Variants in ATP13A4 observed in about 807,000 individuals in gnomAD.
ATP13A4 encodes ATPase 13A4, also known as probable cation-transporting ATPase 13A4.
In ATP13A4, 114 loss-of-function variants were observed where a neutral mutation model predicts 142.5. The ratio of observed to expected loss-of-function variants is 0.80; its 90% CI spans 0.69 to 0.93. ATP13A4 has a LOEUF of 0.93. Among genes scored for constraint, ATP13A4 ranks in the 40% least tolerant of loss-of-function variants. The pLI, the probability that ATP13A4 is intolerant of heterozygous loss-of-function variation, is 0.00. For synonymous variants in ATP13A4, 488 were observed against 514.8 expected (o/e 0.95, Z 0.70); for missense variants, 1,392 against 1,454.0 (o/e 0.96, Z 0.69).
intron 17 of ATP13A4, among the ~76,000 whole-genome samples, chr3:193,448,671 GA>G (rs1717098428): frequency 6.6e-6 from 1 of 152,146 alleles, no homozygotes; most frequent in Admixed American, 6.6e-5. Context: ...AAAACAAAAA[GA>G]AAAAGACCCC....
chr3:193,576,910 G>T (rs13085347), intron 2 of ATP13A4, among the ~76,000 whole-genome samples: 17,810 of 152,212 alleles, frequency 0.12, 1,343 homozygotes, highest in Non-Finnish European at 0.17. Context: ...AAGATAGAAT[G>T]GATGCTTCCA....
intron 2 of ATP13A4, among the ~76,000 whole-genome samples, chr3:193,573,179 A>G (rs1213294400): frequency 6.7e-6 from 1 of 149,714 alleles, no homozygotes; most frequent in Non-Finnish European, 1.5e-5. Flanking sequence ...AAACAGTGTG[A>G]CCAAAACTTT....
chr3:193,576,249 CTTTTTTTTTTTTTTTTTT>C (rs59910562), intron 2 of ATP13A4, among the ~76,000 whole-genome samples: 41 of 54,400 alleles, frequency 7.5e-4, no homozygotes, highest in African/African-American at 2.7e-3. Flanking sequence ...TTGAATCAAT[CTTTTTTTTTTTTTTTTTT>C]TTTTTTTTTT....
At chr3:193,483,794 T>G in intron 8 of ATP13A4, 142 bp downstream of exon 8, 1 of 757,242 alleles carries the variant, frequency 1.3e-6, no homozygotes. Flanking sequence ...AAAAAAAAAC[T>G]TAAGTTCCTC....
intron 22 of ATP13A4, among the ~76,000 whole-genome samples, 191 bp downstream of exon 22, chr3:193,438,832 T>C (rs1169183387): frequency 6.6e-6 from 1 of 152,144 alleles, no homozygotes; most frequent in Admixed American, 6.5e-5. Context: ...GTGACTTTGG[T>C]CAAAAGCCTC....
intron 21 of ATP13A4, among the ~76,000 whole-genome samples, chr3:193,439,935 C>T (rs573165939): frequency 4.7e-4 from 72 of 152,026 alleles, no homozygotes; most frequent in Non-Finnish European, 8.7e-4. Context: ...TGTTGTGACA[C>T]GATGACCAAG....
chr3:193,432,780 G>T (rs13077551), intron 25 of ATP13A4, among the ~76,000 whole-genome samples: 5 of 151,866 alleles, frequency 3.3e-5, no homozygotes, highest in Non-Finnish European at 7.4e-5. Flanking sequence ...CTACTGAGAC[G>T]GTAAAAGATC....
intron 1 of ATP13A4, among the ~76,000 whole-genome samples, chr3:193,516,727 T>C (rs115546067): frequency 2.2e-4 from 34 of 152,278 alleles, no homozygotes; most frequent in African/African-American, 8.2e-4. Context: ...TGAGCCCCCA[T>C]GTAATATGCC....
chr3:193,577,248 A>G (rs1724416178), intron 2 of ATP13A4, among the ~76,000 whole-genome samples: 1 of 152,206 alleles, frequency 6.6e-6, no homozygotes, highest in Admixed American at 6.5e-5. Flanking sequence ...ACATCATTCA[A>G]AGCACTCTGT....
intron 2 of ATP13A4, among the ~76,000 whole-genome samples, chr3:193,572,077 CT>C (rs924466728): frequency 6.6e-6 from 1 of 152,098 alleles, no homozygotes; most frequent in Non-Finnish European, 1.5e-5. Flanking sequence ...AAAACCCCGC[CT>C]CTACAAAACA....
At chr3:193,561,253 G>A (rs577554379) in intron 2 of ATP13A4, among the ~76,000 whole-genome samples, 1 of 152,378 alleles carries the variant, frequency 6.6e-6, no homozygotes, top group East Asian at 1.9e-4. Flanking sequence ...GCTGGATTCA[G>A]TGCCCTTGCT....
intron 7 of ATP13A4, among the ~76,000 whole-genome samples, chr3:193,487,615 A>C (rs541337346): frequency 4.6e-5 from 7 of 152,228 alleles, no homozygotes; most frequent in South Asian, 2.1e-4. Context: ...ACACCTGGCC[A>C]GTATTACTTT....
At chr3:193,456,400 C>T (rs568196433) in intron 16 of ATP13A4, among the ~76,000 whole-genome samples, 1 of 152,200 alleles carries the variant, frequency 6.6e-6, no homozygotes, top group East Asian at 1.9e-4. Context: ...GAATCATGAG[C>T]TTAGGCATGG....
At chr3:193,474,537 C>CAG (rs554455863) in intron 8 of ATP13A4, among the ~76,000 whole-genome samples, 6 of 122,158 alleles carry the variant, frequency 4.9e-5, no homozygotes, top group South Asian at 5.0e-4. Context: ...CCTGTCAAGA[C>CAG]AGAGAGAGAG....
intron 1 of ATP13A4, among the ~76,000 whole-genome samples, chr3:193,538,892 C>CTTT (rs67132373): frequency 1.1e-4 from 13 of 120,848 alleles, no homozygotes; most frequent in East Asian, 2.4e-4. Context: ...TTGGTTTTTT[C>CTTT]TTTTTTTTTT....
rs371822323 is a variant in ATP13A4, at chr3:193,506,096, C to T, written c.235-3457G>A. Among the ~76,000 whole-genome samples the T allele has an allele frequency of 1.2e-4, 18 of 152,280 alleles. No individual in the cohort carries two copies. In the East Asian group the frequency reaches 3.3e-3, roughly 28 times the overall value. ...TCTGAGTTCTTTCTGTAAGTAGGAACTTATTCTCCCTTTGAGGAAACTCTA... is the reference window on the plus strand; with the variant it reads ...TCTGAGTTCTTTCTGTAAGTAGGAATTTATTCTCCCTTTGAGGAAACTCTA... On this transcript the variant is annotated intron_variant, in intron 2 of 29. Transcript: ENST00000342695.
At chr3:193,483,021 C>T (rs1719382382) in intron 8 of ATP13A4, among the ~76,000 whole-genome samples, 1 of 152,036 alleles carries the variant, frequency 6.6e-6, no homozygotes, top group Non-Finnish European at 1.5e-5. Context: ...GATGAACAAA[C>T]TAGTATGTCT....
chr3:193,568,913 G>T (rs1310463016), intron 2 of ATP13A4, among the ~76,000 whole-genome samples: 2 of 152,194 alleles, frequency 1.3e-5, no homozygotes, highest in Non-Finnish European at 2.9e-5. Flanking sequence ...ATACAAATAA[G>T]TTATAGAATA....
In ATP13A4 at chr3:193,401,981, T is replaced by C. The variant is rs935742461; in HGVS notation, c.*671A>G. 6.5e-6 allele frequency: 1 copy of C among 152,686 alleles called. No individual in the cohort carries two copies. The highest frequency in any genetic ancestry group is 2.4e-5 in the African/African-American group (1 of 41,460). 9.5% of individuals were successfully genotyped at this position (152,686 alleles called of 1,614,324 possible). A position where few individuals can be genotyped will look rare whatever the true frequency, so the allele number is the denominator to read the frequency against. ...ACACACAGTCCTTGCATCGAGCTGA[T>C]GGAGCCATCAGGTTGAAGCAGTCAC... On this transcript the variant is annotated 3_prime_UTR_variant, in exon 30 of 30. Coordinates refer to ENST00000342695, the MANE Select transcript of ATP13A4 (RefSeq NM_032279.4).
Sources: allele counts gnomAD v4.1 joint callset (sites outside exome capture counted in the v4.1 genomes callset), GRCh38; gene constraint gnomAD v4.1.1; transcripts MANE v1.5; gene names NCBI Gene and HGNC (gene_info 2026-07-23, HGNC 2026-07-21).